Variants in FRYL observed in about 807,000 individuals in gnomAD.
FRYL encodes protein furry homolog-like.
FRYL carries 150 observed loss-of-function variants against 351.2 expected under a neutral mutation model. That is an observed-to-expected ratio of 0.43 (90% CI 0.37 to 0.49). The LOEUF is 0.49. Ranked by LOEUF, FRYL falls within the 20% of genes least tolerant of loss-of-function variation. The probability of loss-of-function intolerance (pLI) is 0.00; values close to 1 mark genes in which losing one functional copy is unlikely to be tolerated. For synonymous variants in FRYL, 1,153 were observed against 1,257.1 expected, an observed-to-expected ratio of 0.92 and a Z score of 1.75; for missense variants, 3,036 against 3,619.3, an observed-to-expected ratio of 0.84 and a Z score of 4.13.
chr4:48,562,690 A>C (rs1305530722), intron 32 of FRYL, among the ~76,000 whole-genome samples, 199 bp downstream of exon 32: 1 of 152,208 alleles, frequency 6.6e-6, no homozygotes, highest in Non-Finnish European at 1.5e-5. Context: ...ACTTAGGAAT[A>C]GTCTGCATTA....
intron 3 of FRYL, chr4:48,646,101 C>G (rs1180094244): frequency 1.3e-5 from 2 of 152,136 alleles, no homozygotes; most frequent in African/African-American, 4.8e-5. Flanking sequence ...CTTAATGTAT[C>G]AAATGTAAGT....
chr4:48,509,116 G>A (rs1337204920), intron 59 of FRYL, among the ~76,000 whole-genome samples: 4 of 152,052 alleles, frequency 2.6e-5, no homozygotes, highest in Non-Finnish European at 4.4e-5. Context: ...CTGATAACCT[G>A]GACTTATTAA....
chr4:48,715,967 G>T (rs528427459), intron 1 of FRYL, among the ~76,000 whole-genome samples: 183 of 152,094 alleles, frequency 1.2e-3, no homozygotes, highest in African/African-American at 4.3e-3. Context: ...CAGAAATAAT[G>T]CCGCATATCT....
At chr4:48,608,927 T>A in intron 9 of FRYL, 60 bp downstream of exon 9, 1 of 995,006 alleles carries the variant, frequency 1.0e-6, no homozygotes, top group South Asian at 1.3e-5. Flanking sequence ...ATTGTATTCA[T>A]TGGTAATGAA....
At chr4:48,550,733 C>T in intron 37 of FRYL, 29 bp from the exon 38 acceptor site, 1 of 1,393,384 alleles carries the variant, frequency 7.2e-7, no homozygotes. Context: ...AAGTTAGTCA[C>T]AGTTCACGGT....
intron 3 of FRYL, among the ~76,000 whole-genome samples, chr4:48,677,419 T>C (rs1398523197): frequency 1.3e-5 from 2 of 150,702 alleles, no homozygotes; most frequent in Non-Finnish European, 3.0e-5. Context: ...GTGTTTTTGT[T>C]TTTTTTTTTG....
chr4:48,689,355 A>G (rs1273349806), intron 2 of FRYL, among the ~76,000 whole-genome samples: 1 of 152,234 alleles, frequency 6.6e-6, no homozygotes, highest in Non-Finnish European at 1.5e-5. Context: ...ATGTATTTTT[A>G]GAATAATTTT....
Position 48,500,237 on chromosome 4 carries a change from T to C in FRYL, c.8593-17A>G. On this transcript the variant is annotated splice_polypyrimidine_tract_variant and intron_variant, in intron 62 of 63. Transcript: ENST00000358350. ...GTTGATGACCTAAAACAAATACATC[T>C]TTAAGGATCTATTCGTATGTTTGGT... 1 of 1,503,736 alleles carries C rather than the reference T, an allele frequency of 6.7e-7. No homozygotes were observed. The highest frequency in any genetic ancestry group is 9.0e-7 in the Non-Finnish European group (1 of 1,117,024). 93.1% of individuals were successfully genotyped at this position (1,503,736 alleles called of 1,614,324 possible).
intron 1 of FRYL, among the ~76,000 whole-genome samples, 194 bp from the exon 2 acceptor site, chr4:48,710,892 CA>C: frequency 6.6e-6 from 1 of 152,174 alleles, no homozygotes; most frequent in South Asian, 2.1e-4. Flanking sequence ...AATATGTATA[CA>C]AATGTTCATA....
At chr4:48,712,256 G>A (rs1366728388) in intron 1 of FRYL, among the ~76,000 whole-genome samples, 4 of 152,060 alleles carry the variant, frequency 2.6e-5, no homozygotes, top group South Asian at 4.1e-4. Flanking sequence ...GGCTTCAGAC[G>A]ATCAAACTAC....
intron 55 of FRYL, among the ~76,000 whole-genome samples, chr4:48,518,220 T>G (rs530070192): frequency 1.2e-4 from 18 of 152,332 alleles, no homozygotes; most frequent in African/African-American, 4.3e-4. Context: ...TTTGGCTTAA[T>G]AACTAATAAA....
chr4:48,745,971 AT>A (rs1439464700), intron 1 of FRYL, among the ~76,000 whole-genome samples: 2 of 152,206 alleles, frequency 1.3e-5, no homozygotes, highest in Non-Finnish European at 2.9e-5. Flanking sequence ...AATAAAAAAA[AT>A]ATATATGGTG....
At chr4:48,575,989 T>C (rs781079458) in intron 24 of FRYL, 41 bp downstream of exon 24, 2 of 1,409,662 alleles carry the variant, frequency 1.4e-6, no homozygotes, top group Admixed American at 5.2e-5. Context: ...TATGGGGCCA[T>C]TCAGATTTCA....
chr4:48,539,613 C>T (rs1729680575), intron 47 of FRYL, among the ~76,000 whole-genome samples: 1 of 151,028 alleles, frequency 6.6e-6, no homozygotes, highest in Non-Finnish European at 1.5e-5. Context: ...AGTACACTAT[C>T]TACTTTGCTT....
intron 60 of FRYL, among the ~76,000 whole-genome samples, chr4:48,503,579 T>G (rs1200598289): frequency 1.3e-5 from 2 of 152,246 alleles, no homozygotes; most frequent in Non-Finnish European, 2.9e-5. Context: ...AACTTGGATC[T>G]GGTCTCTTAC....
chr4:48,681,095 TG>T, intron 3 of FRYL: 1 of 1,265,208 alleles, frequency 7.9e-7, no homozygotes. Flanking sequence ...CCCGAAAGAA[TG>T]GGAGGAACAA....
At position 48,522,060 on chromosome 4, in the gene FRYL, T is replaced by C. The variant is rs911012317; in HGVS notation, c.7521+841A>G. On this transcript the variant is annotated intron_variant, in intron 54 of 63. Transcript: ENST00000358350. Reference sequence around the variant, plus strand: ...TGGGAGGCCGAGGTGGGAGGATCACTTGAGGCCAGGAGTTCAAGACTAACC... The same window carrying C: ...TGGGAGGCCGAGGTGGGAGGATCACCTGAGGCCAGGAGTTCAAGACTAACC... 2.5e-4 allele frequency among the ~76,000 whole-genome samples: 38 copies of C among 152,198 alleles called. 1 individual carries two copies. Among genetic ancestry groups the C allele is most frequent in the African/African-American group, 8.9e-4 (37 of 41,534 alleles).
intron 1 of FRYL, among the ~76,000 whole-genome samples, chr4:48,740,200 G>T (rs1416077501): frequency 6.6e-6 from 1 of 151,816 alleles, no homozygotes; most frequent in East Asian, 1.9e-4. Context: ...CACAGACTGG[G>T]AGAAAATATT....
At chr4:48,575,339 C>T in intron 24 of FRYL, 98 bp from the exon 25 acceptor site, 3 of 1,284,984 alleles carry the variant, frequency 2.3e-6, no homozygotes, top group South Asian at 2.7e-5. Flanking sequence ...GATAAATGGA[C>T]AGGTGAAACT....
Sources: gnomAD v4.1 joint callset for allele counts (sites outside exome capture counted in the v4.1 genomes callset) on GRCh38, gnomAD v4.1.1 for gene constraint, MANE v1.5 for transcripts, NCBI Gene and HGNC (gene_info 2026-07-23, HGNC 2026-07-21) for gene names.